CPS1: variants seen among roughly 807,000 people sequenced by gnomAD.
The protein encoded by CPS1 is carbamoyl-phosphate synthase 1.
A neutral mutation model predicts 174.6 loss-of-function variants in CPS1; 109 were observed. The ratio of observed to expected loss-of-function variants is 0.62; its 90% CI spans 0.53 to 0.73. The LOEUF (loss-of-function observed/expected upper bound fraction) is 0.73. CPS1 is among the 30% of genes least tolerant of loss of function. The pLI is 0.00. For missense variants in CPS1, 1,689 were observed against 1,821.9 expected (o/e 0.93, Z 1.33); for synonymous variants, 637 against 632.0 (o/e 1.01, Z -0.12).
At chr2:210,590,376 A>G (rs534133990) in intron 8 of CPS1, 142 bp downstream of exon 8, 1 of 1,272,780 alleles carries the variant, frequency 7.9e-7, no homozygotes, top group African/African-American at 1.5e-5. Flanking sequence ...GTGTCAGTAG[A>G]GATATTCTGT....
intron 33 of CPS1, among the ~76,000 whole-genome samples, chr2:210,663,771 A>T (rs560851039): frequency 1.3e-5 from 2 of 152,214 alleles, no homozygotes; most frequent in South Asian, 4.1e-4. Context: ...TAGGATTGTG[A>T]AATGTGTTTC....
chr2:210,567,554 A>G (rs570396110), intron 1 of CPS1, among the ~76,000 whole-genome samples: 32 of 152,304 alleles, frequency 2.1e-4, no homozygotes, highest in South Asian at 4.1e-4. Context: ...GGTTATATAT[A>G]CTGAATGCAG....
At chr2:210,491,245 A>G (rs911475547) in intron 1 of CPS1, among the ~76,000 whole-genome samples, 3 of 150,362 alleles carry the variant, frequency 2.0e-5, no homozygotes, top group Non-Finnish European at 1.5e-5. Flanking sequence ...TCCTGCAGGA[A>G]TGATTTAACT....
At chr2:210,664,553 G>T (rs1258555531) in intron 33 of CPS1, among the ~76,000 whole-genome samples, 3 of 152,036 alleles carry the variant, frequency 2.0e-5, no homozygotes, top group Non-Finnish European at 4.4e-5. Flanking sequence ...GGGTCAGGCT[G>T]GTCTCGAACT....
chr2:210,492,881 G>A (rs1438209909), intron 1 of CPS1, among the ~76,000 whole-genome samples: 2 of 152,090 alleles, frequency 1.3e-5, no homozygotes, highest in Non-Finnish European at 2.9e-5. Context: ...AGAGTAATGT[G>A]TATGCTTCTT....
At chr2:210,661,793 T>C (rs1700930025) in intron 32 of CPS1, among the ~76,000 whole-genome samples, 1 of 152,094 alleles carries the variant, frequency 6.6e-6, no homozygotes, top group South Asian at 2.1e-4. Flanking sequence ...ATTCTATATA[T>C]GGATTTTAAG....
intron 1 of CPS1, among the ~76,000 whole-genome samples, chr2:210,545,101 G>A (rs371927721): frequency 3.9e-5 from 6 of 152,044 alleles, no homozygotes; most frequent in African/African-American, 7.2e-5. Context: ...TTTCCCAGAC[G>A]TAGCACAGGG....
intron 34 of CPS1, among the ~76,000 whole-genome samples, chr2:210,669,319 T>C (rs1466819445): frequency 6.6e-6 from 1 of 152,134 alleles, no homozygotes; most frequent in African/African-American, 2.4e-5. Context: ...ACTAGAGGCT[T>C]CCCAACTGGT....
chr2:210,678,456 T>G lies in CPS1; in HGVS notation c.*471T>G. On this transcript the variant is annotated 3_prime_UTR_variant, in exon 38 of 38. Coordinates refer to ENST00000233072, the MANE Select transcript of CPS1 (RefSeq NM_001875.5). ...GATTTAATTTATGAACCTTCCATCATGATGTTTGTGTATTGCTTCTTTTTG... is the reference window on the plus strand; with the variant it reads ...GATTTAATTTATGAACCTTCCATCAGGATGTTTGTGTATTGCTTCTTTTTG... The G allele has an allele frequency of 5.3e-6, 1 of 189,098 alleles. No homozygotes were observed. The highest frequency in any genetic ancestry group is 1.0e-4 in the South Asian group (1 of 9,966). 11.7% of individuals were successfully genotyped at this position (189,098 alleles called of 1,614,324 possible). A position where few individuals can be genotyped will look rare whatever the true frequency, so the allele number is the denominator to read the frequency against.
chr2:210,586,625 T>G (rs1698118744), intron 6 of CPS1, among the ~76,000 whole-genome samples: 1 of 152,076 alleles, frequency 6.6e-6, no homozygotes, highest in Non-Finnish European at 1.5e-5. Flanking sequence ...CAAGTATCCA[T>G]GAGGTCTTGT....
intron 1 of CPS1, among the ~76,000 whole-genome samples, chr2:210,499,866 G>A (rs891084540): frequency 1.3e-5 from 2 of 152,090 alleles, no homozygotes; most frequent in East Asian, 1.9e-4. Context: ...GGGAGCTGGA[G>A]TATCTTTCAC....
chr2:210,479,162 T>A (rs1694494044), intron 1 of CPS1, among the ~76,000 whole-genome samples: 1 of 152,126 alleles, frequency 6.6e-6, no homozygotes, highest in Non-Finnish European at 1.5e-5. Flanking sequence ...GGGATTAAGA[T>A]GTTAGCAGGA....
chr2:210,673,900 A>G (rs1345971023), intron 34 of CPS1: 1 of 152,198 alleles, frequency 6.6e-6, no homozygotes, highest in Non-Finnish European at 1.5e-5. Flanking sequence ...CTCAAAAAAA[A>G]AAGTTGAAAT....
chr2:210,603,669 G>A (rs1271211070), intron 16 of CPS1, among the ~76,000 whole-genome samples: 1 of 151,662 alleles, frequency 6.6e-6, no homozygotes, highest in Admixed American at 6.6e-5. Context: ...ATGTAAGAAA[G>A]TTTATAATAA....
chr2:210,639,259 A>T, intron 23 of CPS1, 44 bp downstream of exon 23: 1 of 1,385,396 alleles, frequency 7.2e-7, no homozygotes, highest in Non-Finnish European at 1.0e-6. Flanking sequence ...TCTAGATTTC[A>T]TAGACAGTTC....
chr2:210,658,775 C>A, intron 31 of CPS1, 87 bp downstream of exon 31: 1 of 992,122 alleles, frequency 1.0e-6, no homozygotes, highest in Non-Finnish European at 1.6e-6. Context: ...TCTCTGTGAA[C>A]ACCAGACAAA....
In CPS1 at chr2:210,532,553, T is replaced by A. The variant is rs376410488; in HGVS notation, c.4-24166T>A. 3.3e-5 allele frequency among the ~76,000 whole-genome samples: 5 copies of A among 152,298 alleles called. No homozygotes were observed. In the East Asian group the frequency reaches 9.7e-4, roughly 29 times the overall value. ...GAATAAGTATAGCAATAGCTAACTA[T>A]GTCTTTTTTTTTAATTAAAGTTTTT... On this transcript the variant is annotated intron_variant, in intron 1 of 38. Coordinates refer to the CPS1 transcript ENST00000430249.
chr2:210,572,165 A>G (rs1203822626), intron 1 of CPS1, among the ~76,000 whole-genome samples: 1 of 151,946 alleles, frequency 6.6e-6, no homozygotes, highest in Admixed American at 6.6e-5. Context: ...GAAATCTCAG[A>G]TATCATACTA....
chr2:210,674,700 G>A (rs1701462111), intron 34 of CPS1: 2 of 604,076 alleles, frequency 3.3e-6, no homozygotes, highest in South Asian at 1.9e-5. Context: ...AAGATTATGT[G>A]GATGGAATTT....
Sources: allele counts gnomAD v4.1 joint callset (sites outside exome capture counted in the v4.1 genomes callset), GRCh38; gene constraint gnomAD v4.1.1; transcripts MANE v1.5; gene names NCBI Gene and HGNC (gene_info 2026-07-23, HGNC 2026-07-21).